Variants in RABGAP1L observed in about 807,000 individuals in gnomAD.
The protein encoded by RABGAP1L is RAB GTPase activating protein 1 like.
Under a neutral mutation model 137.7 loss-of-function variants are expected in RABGAP1L, and 63 were observed. The observed-to-expected ratio is 0.46, with a 90% CI of 0.37 to 0.56. The LOEUF (loss-of-function observed/expected upper bound fraction) is 0.56, where lower values mean the gene tolerates loss of function less well. Ranked by LOEUF, RABGAP1L falls within the 20% of genes least tolerant of loss-of-function variation. The probability of loss-of-function intolerance (pLI) is 0.00; values close to 1 mark genes in which losing one functional copy is unlikely to be tolerated. For synonymous variants in RABGAP1L, 431 were observed against 433.7 expected, an observed-to-expected ratio of 0.99 and a Z score of 0.08; for missense variants, 1,095 against 1,244.0, an observed-to-expected ratio of 0.88 and a Z score of 1.80.
At chr1:174,786,575 A>T (rs1263832114) in intron 18 of RABGAP1L, among the ~76,000 whole-genome samples, 2 of 152,160 alleles carry the variant, frequency 1.3e-5, no homozygotes, top group African/African-American at 4.8e-5. Flanking sequence ...ACATTCCCCA[A>T]ATCAAATTTA....
intron 5 of RABGAP1L, among the ~76,000 whole-genome samples, chr1:174,242,235 A>G (rs1558063291): frequency 6.6e-6 from 1 of 152,238 alleles, no homozygotes; most frequent in Non-Finnish European, 1.5e-5. Context: ...AATGCTAGTA[A>G]GTTTTTTTAT....
At chr1:174,524,868 C>T (rs961058063) in intron 13 of RABGAP1L, among the ~76,000 whole-genome samples, 5 of 147,844 alleles carry the variant, frequency 3.4e-5, no homozygotes, top group South Asian at 2.1e-4. Context: ...TATGGATATC[C>T]GATTTTCCCA....
chr1:174,801,755 T>C (rs1558092742), intron 18 of RABGAP1L, among the ~76,000 whole-genome samples: 1 of 148,330 alleles, frequency 6.7e-6, no homozygotes, highest in African/African-American at 2.4e-5. Flanking sequence ...TAAGGATTCA[T>C]GATTCTATTT....
chr1:174,195,776 C>T lies in RABGAP1L; in HGVS notation c.-33-23349C>T, dbSNP rs58426352. Reference sequence around the variant, plus strand: ...CTCTCTTTCTCTCTTTCTCTCTTTCCTTTCTTTCTTTTCTTTCTTTCTTTC... The same window carrying T: ...CTCTCTTTCTCTCTTTCTCTCTTTCTTTTCTTTCTTTTCTTTCTTTCTTTC... On this transcript the variant is annotated intron_variant, in intron 1 of 25. Coordinates refer to ENST00000681986, the MANE Select transcript of RABGAP1L (RefSeq NM_001366446.1). 6.4e-3 allele frequency among the ~76,000 whole-genome samples: 607 copies of T among 94,982 alleles called. 7 individuals carry two copies. The highest frequency in any genetic ancestry group is 0.021 in the African/African-American group (532 of 24,800). The allele number at this position is 94,982 out of a possible 152,430, so 62.3% of individuals were successfully genotyped here. A position where few individuals can be genotyped will look rare whatever the true frequency, so the allele number is the denominator to read the frequency against.
chr1:174,226,300 C>T (rs1293013891), intron 3 of RABGAP1L, among the ~76,000 whole-genome samples: 1 of 152,196 alleles, frequency 6.6e-6, no homozygotes, highest in Non-Finnish European at 1.5e-5. Context: ...GTGGCTCACG[C>T]CTGTAATCCC....
intron 17 of RABGAP1L, among the ~76,000 whole-genome samples, chr1:174,721,873 T>C (rs1681565218): frequency 6.6e-6 from 1 of 152,228 alleles, no homozygotes; most frequent in African/African-American, 2.4e-5. Context: ...ATCAAAGGTT[T>C]TAAAACATCA....
At chr1:174,633,531 T>C (rs990289944) in intron 13 of RABGAP1L, among the ~76,000 whole-genome samples, 1 of 149,680 alleles carries the variant, frequency 6.7e-6, no homozygotes, top group African/African-American at 2.5e-5. Context: ...TGGAAAAAAC[T>C]ACTTTAAAGT....
chr1:174,767,527 CTT>C (rs34412988), intron 18 of RABGAP1L, among the ~76,000 whole-genome samples: 96 of 137,670 alleles, frequency 7.0e-4, no homozygotes, highest in Non-Finnish European at 9.8e-4. Context: ...ACTGACTTTC[CTT>C]TTTTTTTTTT....
At chr1:174,680,939 A>G (rs768042964) in intron 14 of RABGAP1L, among the ~76,000 whole-genome samples, 5 of 152,226 alleles carry the variant, frequency 3.3e-5, no homozygotes, top group Non-Finnish European at 7.3e-5. Flanking sequence ...AGGAACTTGA[A>G]CAATCACAAA....
chr1:174,987,787 C>T (rs762335902), intron 24 of RABGAP1L, among the ~76,000 whole-genome samples: 4 of 152,152 alleles, frequency 2.6e-5, no homozygotes, highest in African/African-American at 4.8e-5. Context: ...ATTGGCAATG[C>T]GGGCATGTGG....
At chr1:174,965,671 G>T (rs980195081) in intron 20 of RABGAP1L, among the ~76,000 whole-genome samples, 2 of 152,162 alleles carry the variant, frequency 1.3e-5, no homozygotes, top group Non-Finnish European at 2.9e-5. Context: ...CTCACCCTGG[G>T]TTCATACTTT....
chr1:174,874,207 A>T (rs1377646625), intron 19 of RABGAP1L, among the ~76,000 whole-genome samples: 1 of 148,646 alleles, frequency 6.7e-6, no homozygotes, highest in Non-Finnish European at 1.5e-5. Context: ...GATAGGTTCT[A>T]TCAAATAAAC....
Position 174,297,533 on chromosome 1 carries a change from C to T in RABGAP1L, c.1324-7453C>T, listed in dbSNP as rs115264542. 4.0e-3 allele frequency among the ~76,000 whole-genome samples: 611 copies of T among 152,294 alleles called. 6 individuals carry two copies. Among genetic ancestry groups the T allele is most frequent in the African/African-American group, 0.012 (495 of 41,564 alleles). The stretch of plus-strand genomic sequence containing the variant: ...TGGAGTTTTTCTGGGGCGGCCCTTG[C>T]ACCTGGCTGTCTCATTCCCCTCTCT... On this transcript the variant is annotated intron_variant, in intron 10 of 25. Coordinates refer to ENST00000681986, the MANE Select transcript of RABGAP1L (RefSeq NM_001366446.1).
chr1:174,483,093 G>A (rs1054272105), intron 13 of RABGAP1L, among the ~76,000 whole-genome samples: 11 of 152,026 alleles, frequency 7.2e-5, no homozygotes, highest in Admixed American at 1.3e-4. Context: ...GAAAGTGGAG[G>A]TATCCATCAC....
chr1:174,411,731 C>T lies in RABGAP1L; in HGVS notation c.1710+17586C>T, dbSNP rs192556564. Among the ~76,000 whole-genome samples, 13 of 152,114 alleles carry T rather than the reference C, an allele frequency of 8.5e-5. No individual in the cohort carries two copies. The East Asian group carries it at 2.3e-3, about 27-fold the overall frequency. The stretch of plus-strand genomic sequence containing the variant: ...TAATTTTTGATTTCTGCCTTAATTT[C>T]ATTGTTTACCCAAAAGTCATTCAGG... On this transcript the variant is annotated intron_variant, in intron 13 of 25. Coordinates refer to ENST00000681986, the MANE Select transcript of RABGAP1L (RefSeq NM_001366446.1).
chr1:174,238,641 G>A (rs1384653520), intron 4 of RABGAP1L, among the ~76,000 whole-genome samples: 1 of 150,498 alleles, frequency 6.6e-6, no homozygotes. Flanking sequence ...ATCTCCAGCT[G>A]CGTGCTGGGA....
intron 13 of RABGAP1L, among the ~76,000 whole-genome samples, chr1:174,513,883 A>G (rs1662570107): frequency 1.3e-5 from 2 of 152,166 alleles, no homozygotes; most frequent in South Asian, 2.1e-4. Context: ...CTAAGAGGCA[A>G]TAAATTTGAA....
chr1:174,346,869 T>C (rs1682480443), intron 11 of RABGAP1L, among the ~76,000 whole-genome samples: 1 of 152,106 alleles, frequency 6.6e-6, no homozygotes, highest in Non-Finnish European at 1.5e-5. Context: ...GCTATAAACT[T>C]TCCTTTTAGT....
intron 19 of RABGAP1L, among the ~76,000 whole-genome samples, chr1:174,949,240 A>C (rs1667362822): frequency 6.6e-6 from 1 of 152,226 alleles, no homozygotes; most frequent in African/African-American, 2.4e-5. Context: ...TAGGAAGGAA[A>C]ATGATGTCAG....
Sources: allele counts gnomAD v4.1 joint callset (sites outside exome capture counted in the v4.1 genomes callset), GRCh38; gene constraint gnomAD v4.1.1; transcripts MANE v1.5; gene names NCBI Gene and HGNC (gene_info 2026-07-23, HGNC 2026-07-21).